The following ZNF254 variants were observed in gnomAD, a reference collection of about 807,000 sequenced individuals.
ZNF254 encodes zinc finger protein 254.
ZNF254 carries 10 observed loss-of-function variants against 12.4 expected under a neutral mutation model. The observed-to-expected ratio is 0.80, with a 90% CI of 0.50 to 1.36. ZNF254 has a LOEUF of 1.36. ZNF254 is among the 40% of genes most tolerant of loss of function. The pLI, the probability that ZNF254 is intolerant of heterozygous loss-of-function variation, is 0.00. For synonymous variants in ZNF254, 305 were observed against 253.4 expected (o/e 1.20, Z -1.93); for missense variants, 996 against 763.9 (o/e 1.30, Z -3.58).
chr19:24,074,112 CATT>C (rs1388518569), intron 2 of ZNF254, among the ~76,000 whole-genome samples: 2 of 152,164 alleles, frequency 1.3e-5, no homozygotes, highest in Non-Finnish European at 2.9e-5. Flanking sequence ...CATTATGGGT[CATT>C]GTGACATATT....
intron 1 of ZNF254, among the ~76,000 whole-genome samples, chr19:24,103,062 C>T (rs905052513): frequency 8.5e-5 from 13 of 152,198 alleles, no homozygotes; most frequent in Non-Finnish European, 1.8e-4. Context: ...GCTTAATAAA[C>T]ATTGCATTAA....
chr19:24,077,246 T>A (rs1363240786), intron 2 of ZNF254, among the ~76,000 whole-genome samples: 3 of 152,204 alleles, frequency 2.0e-5, no homozygotes, highest in African/African-American at 7.2e-5. Context: ...CTTAAACATG[T>A]TATTGATGTC....
chr19:24,110,065 A>C (rs886457022), intron 3 of ZNF254, among the ~76,000 whole-genome samples: 1 of 151,952 alleles, frequency 6.6e-6, no homozygotes, highest in African/African-American at 2.4e-5. Context: ...TATCTTGTCT[A>C]AGTGAGTAGC....
At chr19:24,037,578 C>T (rs537441602) in intron 1 of ZNF254, among the ~76,000 whole-genome samples, 25 of 152,058 alleles carry the variant, frequency 1.6e-4, no homozygotes, top group Admixed American at 1.4e-3. Flanking sequence ...AGATAACAGG[C>T]GTGCACTACA....
chr19:24,074,325 C>T (rs547840702), intron 2 of ZNF254, among the ~76,000 whole-genome samples: 54 of 152,302 alleles, frequency 3.5e-4, no homozygotes, highest in African/African-American at 1.1e-3. Flanking sequence ...AGGTTCTGCT[C>T]TCAATGTAGA....
In ZNF254 at chr19:24,129,342, A is replaced by G. The variant is rs1253175249; in HGVS notation, c.*1362A>G. 6.6e-6 allele frequency: 1 copy of G among 152,082 alleles called. No individual in the cohort carries two copies. The highest frequency in any genetic ancestry group is 6.6e-5 in the Admixed American group (1 of 15,264). The allele number at this position is 152,082 out of a possible 1,614,324, so 9.4% of individuals were successfully genotyped here. ...ATTCAACATTTTTAACATATTAAAT[A>G]CTATTGTGAATTCAATGAAGTGTTC... On this transcript the variant is annotated 3_prime_UTR_variant, in exon 4 of 4. Coordinates refer to ENST00000357002, the MANE Select transcript of ZNF254 (RefSeq NM_203282.4).
chr19:24,106,520 A>T, intron 2 of ZNF254, 28 bp from the exon 3 acceptor site: 3 of 1,539,914 alleles, frequency 1.9e-6, no homozygotes, highest in Non-Finnish European at 2.7e-6. Flanking sequence ...TATAAGCAAG[A>T]TTCATTTAGT....
upstream of ZNF254, among the ~76,000 whole-genome samples, chr19:24,085,004 C>T (rs1021025940): frequency 6.8e-6 from 1 of 146,382 alleles, no homozygotes; most frequent in Non-Finnish European, 1.5e-5. Flanking sequence ...CTGATCTTGG[C>T]TCACTTCAAC....
chr19:24,053,624 T>G (rs1007501011), intron 2 of ZNF254, among the ~76,000 whole-genome samples: 1 of 152,154 alleles, frequency 6.6e-6, no homozygotes, highest in African/African-American at 2.4e-5. Flanking sequence ...TGTAATATAT[T>G]GCTGGGTCAG....
chr19:24,057,330 AGGT>A (rs1179095122), intron 2 of ZNF254, among the ~76,000 whole-genome samples: 3 of 152,224 alleles, frequency 2.0e-5, no homozygotes. Context: ...GCAACAGCTG[AGGT>A]GGTGACTCAT....
At position 24,113,574 on chromosome 19, in the gene ZNF254, TATC is replaced by T. The variant is rs1973842272; in HGVS notation, c.253+6934_253+6936del. Among the ~76,000 whole-genome samples the T allele has an allele frequency of 2.6e-5, 4 of 152,234 alleles. No individual in the cohort carries two copies. In the South Asian group the frequency reaches 8.3e-4, roughly 32 times the overall value. On this transcript the variant is annotated intron_variant, in intron 3 of 3. Coordinates refer to ENST00000357002, the MANE Select transcript of ZNF254 (RefSeq NM_203282.4). ...CTATCTATGCCAAACCCACAGCCAATATCATACTGAATGGGCAAAAACTGGAAG... is the reference window on the plus strand; with the variant it reads ...CTATCTATGCCAAACCCACAGCCAATATACTGAATGGGCAAAAACTGGAAG...
chr19:24,037,205 C>T (rs1969998735), intron 1 of ZNF254, among the ~76,000 whole-genome samples: 1 of 152,218 alleles, frequency 6.6e-6, no homozygotes, highest in Non-Finnish European at 1.5e-5. Flanking sequence ...TTTCCCTCTT[C>T]TGTCTTTTGC....
intron 1 of ZNF254, among the ~76,000 whole-genome samples, chr19:24,099,298 C>T (rs1405296688): frequency 6.6e-6 from 1 of 151,904 alleles, no homozygotes; most frequent in African/African-American, 2.4e-5. Flanking sequence ...AGCCACCCTG[C>T]CTGGCCAGGC....
At chr19:24,055,205 CAAAAAA>C (rs71167733) in intron 2 of ZNF254, among the ~76,000 whole-genome samples, 22 of 28,324 alleles carry the variant, frequency 7.8e-4, no homozygotes, top group African/African-American at 1.8e-3. Flanking sequence ...TCTGTCTCAC[CAAAAAA>C]AAAAAAAAAA....
chr19:24,126,337 G>A lies in ZNF254; in HGVS notation c.337G>A (p.Gly113Arg), dbSNP rs1974834446. Reference sequence around the variant, plus strand: ...TCAAAAAGCAATACTGAGAAGATATGGAAAATATGGACATGAGAATTTACA... The same window carrying A: ...TCAAAAAGCAATACTGAGAAGATATAGAAAATATGGACATGAGAATTTACA... The part of the protein sequence containing the change: ...SFQKAILRRY[G>R]KYGHENLQLR... Residue 113 changes from glycine to arginine, a missense_variant, in exon 4 of 4, where the codon GGA becomes AGA. Transcript: ENST00000357002. The A allele has an allele frequency of 5.6e-6, 9 of 1,607,728 alleles. No individual in the cohort carries two copies. In the East Asian group the frequency reaches 2.0e-4, roughly 36 times the overall value.
At chr19:24,116,863 T>G (rs1201799200) in intron 3 of ZNF254, among the ~76,000 whole-genome samples, 1 of 152,160 alleles carries the variant, frequency 6.6e-6, no homozygotes, top group Non-Finnish European at 1.5e-5. Flanking sequence ...GATGTACAGA[T>G]GGGTTTTTGG....
At chr19:24,033,654 G>A in intron 1 of ZNF254, 2 of 351,076 alleles carry the variant, frequency 5.7e-6, no homozygotes, top group Middle Eastern at 7.2e-4. Flanking sequence ...CCCGAAAGGA[G>A]AGAGCGGGCT....
At chr19:24,071,813 G>A (rs1163714742) in intron 2 of ZNF254, among the ~76,000 whole-genome samples, 1 of 152,134 alleles carries the variant, frequency 6.6e-6, no homozygotes, top group African/African-American at 2.4e-5. Context: ...AGGACGGAAA[G>A]GAGAGTTACA....
intron 2 of ZNF254, among the ~76,000 whole-genome samples, chr19:24,062,678 A>G (rs1220310077): frequency 3.9e-5 from 6 of 152,064 alleles, no homozygotes; most frequent in African/African-American, 1.4e-4. Flanking sequence ...TCTGAATCTC[A>G]CTTTTGGAGG....
Sources: gnomAD v4.1 joint callset for allele counts (sites outside exome capture counted in the v4.1 genomes callset) on GRCh38, gnomAD v4.1.1 for gene constraint, MANE v1.5 for transcripts, NCBI Gene and HGNC (gene_info 2026-07-23, HGNC 2026-07-21) for gene names.